Variants in WWOX observed in about 807,000 individuals in gnomAD.
WWOX encodes WW domain-containing oxidoreductase.
WWOX carries 69 observed loss-of-function variants against 46.2 expected under a neutral mutation model. The observed-to-expected ratio is 1.49, with a 90% confidence interval of 1.23 to 1.82. WWOX has a LOEUF of 1.82. Ranked by LOEUF, WWOX falls within the 40% of genes most tolerant of loss-of-function variation. The pLI is 0.00. For missense variants in WWOX, 919 were observed against 542.6 expected, an observed-to-expected ratio of 1.69 and a Z score of -6.89; for synonymous variants, 359 against 202.6, an observed-to-expected ratio of 1.77 and a Z score of -6.56.
intron 8 of WWOX, among the ~76,000 whole-genome samples, chr16:78,745,522 CTTTTTTT>C (rs5818168): frequency 8.6e-5 from 8 of 92,752 alleles, no homozygotes; most frequent in African/African-American, 9.5e-5. Context: ...TGTGGAAATC[CTTTTTTT>C]TTTTTTTTTT....
At position 78,197,863 on chromosome 16, in the gene WWOX, G is replaced by T. The variant is rs2036104246; in HGVS notation, c.516+33574G>T. 1.3e-5 allele frequency among the ~76,000 whole-genome samples: 2 copies of T among 152,066 alleles called. 1 individual carries two copies. The highest frequency in any genetic ancestry group is 1.3e-4 in the Admixed American group (2 of 15,258). ...GGCAGAAGCAGAATTTGAAAACAGAGCCCCCATATGTTTTAACTGCTCATT... is the reference window on the plus strand; with the variant it reads ...GGCAGAAGCAGAATTTGAAAACAGATCCCCCATATGTTTTAACTGCTCATT... On this transcript the variant is annotated intron_variant, in intron 5 of 8. Coordinates refer to ENST00000566780, the MANE Select transcript of WWOX (RefSeq NM_016373.4).
chr16:79,093,716 A>T (rs548567926), intron 8 of WWOX, among the ~76,000 whole-genome samples: 2 of 152,346 alleles, frequency 1.3e-5, no homozygotes, highest in Admixed American at 1.3e-4. Flanking sequence ...ACTTGAATGA[A>T]CATCAAAAGG....
chr16:78,919,975 G>T (rs1167266505), intron 8 of WWOX, among the ~76,000 whole-genome samples: 1 of 152,144 alleles, frequency 6.6e-6, no homozygotes, highest in Non-Finnish European at 1.5e-5. Context: ...CTTATTTACG[G>T]TTTGCCTCCT....
chr16:79,057,250 C>T (rs1423729341), intron 8 of WWOX, among the ~76,000 whole-genome samples: 2 of 152,156 alleles, frequency 1.3e-5, no homozygotes, highest in African/African-American at 2.4e-5. Flanking sequence ...ACCAGTCTTC[C>T]AATGGCAAAC....
intron 5 of WWOX, among the ~76,000 whole-genome samples, chr16:78,328,435 T>C (rs2080680201): frequency 6.6e-6 from 1 of 152,224 alleles, no homozygotes; most frequent in Non-Finnish European, 1.5e-5. Flanking sequence ...TCATAGATTT[T>C]TATTTCTGTG....
At chr16:78,211,398 G>A (rs80046441) in intron 5 of WWOX, among the ~76,000 whole-genome samples, 8,943 of 152,214 alleles carry the variant, frequency 0.059, 356 homozygotes, top group Middle Eastern at 0.11. Context: ...TGTGTGCTGA[G>A]CACTGATCTT....
chr16:78,995,231 A>G (rs1241679641), intron 8 of WWOX, among the ~76,000 whole-genome samples: 1 of 152,024 alleles, frequency 6.6e-6, no homozygotes, highest in Non-Finnish European at 1.5e-5. Flanking sequence ...TCCAAAGCCC[A>G]TGCCCAATCC....
intron 8 of WWOX, among the ~76,000 whole-genome samples, chr16:79,036,852 C>G (rs1308590368): frequency 6.6e-6 from 1 of 152,166 alleles, no homozygotes; most frequent in Admixed American, 6.6e-5. Context: ...ATTTTAGACA[C>G]ATGAAGAGAG....
intron 6 of WWOX, among the ~76,000 whole-genome samples, chr16:78,388,482 C>T (rs993672816): frequency 6.6e-6 from 1 of 151,680 alleles, no homozygotes; most frequent in Admixed American, 6.6e-5. Flanking sequence ...CCCATCTCTA[C>T]TAAAGATACA....
chr16:78,532,801 C>T (rs28661253), intron 8 of WWOX, among the ~76,000 whole-genome samples: 2,165 of 152,222 alleles, frequency 0.014, 23 homozygotes, highest in African/African-American at 0.027. Context: ...AAAGACCTGC[C>T]TCCATGATTC....
At chr16:78,118,852 A>C (rs1597224459) in intron 4 of WWOX, 1 of 152,142 alleles carries the variant, frequency 6.6e-6, no homozygotes, top group Non-Finnish European at 1.5e-5. Context: ...ACTGTTGGGG[A>C]TGTTGCCTGA....
At chr16:78,925,515 C>G (rs905360615) in intron 8 of WWOX, among the ~76,000 whole-genome samples, 1 of 152,214 alleles carries the variant, frequency 6.6e-6, no homozygotes, top group East Asian at 1.9e-4. Flanking sequence ...ACCAGGAACT[C>G]GCTTATGTGT....
chr16:78,226,659 A>G (rs2037070447), intron 5 of WWOX, among the ~76,000 whole-genome samples: 1 of 151,852 alleles, frequency 6.6e-6, no homozygotes. Context: ...CTTGTGGAGA[A>G]TAATAGGTAA....
intron 4 of WWOX, among the ~76,000 whole-genome samples, chr16:78,134,009 A>G (rs13338697): frequency 0.33 from 50,594 of 152,124 alleles, 9,076 homozygotes; most frequent in African/African-American, 0.47. Flanking sequence ...GTTTTCTTCA[A>G]TGTACCTAGA....
At chr16:78,614,630 G>A (rs927295697) in intron 8 of WWOX, among the ~76,000 whole-genome samples, 16 of 152,236 alleles carry the variant, frequency 1.1e-4, no homozygotes, top group Non-Finnish European at 7.3e-5. Context: ...GTGTATGGCA[G>A]ATGAGGGACC....
intron 8 of WWOX, among the ~76,000 whole-genome samples, chr16:78,862,297 T>G (rs1263734824): frequency 6.6e-6 from 1 of 151,340 alleles, no homozygotes; most frequent in Non-Finnish European, 1.5e-5. Context: ...TTTCTGTATC[T>G]ATACACACCT....
chr16:78,356,717 C>G lies in WWOX; in HGVS notation c.517-30143C>G, dbSNP rs1054511123. Among the ~76,000 whole-genome samples, 77 of 152,008 alleles carry G rather than the reference C, an allele frequency of 5.1e-4. 1 individual carries two copies. Among genetic ancestry groups the G allele is most frequent in the African/African-American group, 1.8e-3 (75 of 41,400 alleles). On this transcript the variant is annotated intron_variant, in intron 5 of 8. Coordinates refer to ENST00000566780, the MANE Select transcript of WWOX (RefSeq NM_016373.4). ...CCAGCATGGTGAAACCCCGTCTCTA[C>G]TAAAAATAGAAAAAATTAGCCGGGC...
chr16:78,149,360 T>C (rs189471040), intron 4 of WWOX, among the ~76,000 whole-genome samples: 195 of 152,342 alleles, frequency 1.3e-3, no homozygotes, highest in African/African-American at 4.5e-3. Context: ...GAGAAACTTA[T>C]TCCTGTGGAC....
chr16:78,484,926 G>T (rs1408893891), intron 8 of WWOX, among the ~76,000 whole-genome samples: 1 of 152,114 alleles, frequency 6.6e-6, no homozygotes, highest in African/African-American at 2.4e-5. Flanking sequence ...TTTCCGGGCT[G>T]TTTGTGTACT....
Sources: allele counts gnomAD v4.1 joint callset (sites outside exome capture counted in the v4.1 genomes callset), GRCh38; gene constraint gnomAD v4.1.1; transcripts MANE v1.5; gene names NCBI Gene and HGNC (gene_info 2026-07-23, HGNC 2026-07-21).